The following NHS variants were observed in gnomAD, a reference collection of about 807,000 sequenced individuals.
NHS encodes actin remodeling regulator NHS.
NHS carries 5 observed loss-of-function variants against 72.5 expected under a neutral mutation model. The ratio of observed to expected loss-of-function variants is 0.07; its 90% CI spans 0.04 to 0.14. The LOEUF (loss-of-function observed/expected upper bound fraction) is 0.14. Ranked by LOEUF, NHS falls within the 10% of genes least tolerant of loss-of-function variation. The probability of loss-of-function intolerance (pLI) is 1.00; values close to 1 mark genes in which losing one functional copy is unlikely to be tolerated. For synonymous variants in NHS, 464 were observed against 547.7 expected (o/e 0.85, Z 2.13); for missense variants, 1,072 against 1,355.7 (o/e 0.79, Z 3.29).
intron 1 of NHS, among the ~76,000 whole-genome samples, chrX:17,570,441 G>A (rs1243976127): frequency 8.9e-6 from 1 of 111,776 alleles, no homozygotes; most frequent in Non-Finnish European, 1.9e-5. Flanking sequence ...ATTGTGAATG[G>A]GAATTCACTC....
intron 1 of NHS, 81 bp from the exon 2 acceptor site, chrX:17,687,661 T>C: frequency 9.1e-7 from 1 of 1,104,096 alleles, no homozygotes; most frequent in Non-Finnish European, 1.3e-6. Flanking sequence ...ACTTTACTCC[T>C]GTCCTCTTCC....
At chrX:17,699,607 A>C (rs373878875) in intron 3 of NHS, among the ~76,000 whole-genome samples, 136 of 111,893 alleles carry the variant, frequency 1.2e-3, no homozygotes, top group African/African-American at 4.1e-3. Flanking sequence ...GTTTGCCAGC[A>C]TCCTTAGCCC....
chrX:17,690,332 T>C (rs947710980), intron 2 of NHS, among the ~76,000 whole-genome samples: 1 of 112,503 alleles, frequency 8.9e-6, no homozygotes, highest in African/African-American at 3.2e-5. Context: ...ATCAGACAAC[T>C]GCCATGCTCA....
At chrX:17,578,967 T>A (rs1367107080) in intron 1 of NHS, among the ~76,000 whole-genome samples, 1 of 111,830 alleles carries the variant, frequency 8.9e-6, no homozygotes, top group Non-Finnish European at 1.9e-5. Flanking sequence ...TGTGTATGTG[T>A]GTGAGTGTGT....
intron 1 of NHS, among the ~76,000 whole-genome samples, chrX:17,411,071 AT>A (rs759839268): frequency 4.5e-5 from 5 of 112,080 alleles, no homozygotes; most frequent in African/African-American, 1.6e-4. Flanking sequence ...AGAGGTGGTG[AT>A]TTTGGCTAAG....
At chrX:17,689,664 A>ATT (rs1255334260) in intron 2 of NHS, among the ~76,000 whole-genome samples, 1 of 112,112 alleles carries the variant, frequency 8.9e-6, no homozygotes, top group African/African-American at 3.2e-5. Flanking sequence ...AAGCTGACAT[A>ATT]TAGTAGGTCC....
chrX:17,629,061 T>C (rs1339921336), intron 1 of NHS, among the ~76,000 whole-genome samples: 1 of 112,520 alleles, frequency 8.9e-6, no homozygotes, highest in African/African-American at 3.2e-5. Flanking sequence ...TAGGGCCAGA[T>C]TGCCCTGCAG....
intron 1 of NHS, among the ~76,000 whole-genome samples, chrX:17,508,532 A>C (rs2065070018): frequency 9.0e-6 from 1 of 111,340 alleles, no homozygotes; most frequent in Non-Finnish European, 1.9e-5. Flanking sequence ...GTGCAGTGGC[A>C]TGATCTCGGC....
intron 1 of NHS, among the ~76,000 whole-genome samples, chrX:17,390,679 A>G (rs1168408084): frequency 8.9e-6 from 1 of 112,090 alleles, no homozygotes; most frequent in Non-Finnish European, 1.9e-5. Context: ...GTATGAGAAA[A>G]GAGATGTTGG....
chrX:17,601,646 G>A (rs761745473), intron 1 of NHS, among the ~76,000 whole-genome samples: 1 of 111,841 alleles, frequency 8.9e-6, no homozygotes, highest in Non-Finnish European at 1.9e-5. Context: ...AGGAAATCTT[G>A]TGTGGAAATT....
At chrX:17,547,921 C>G (rs2065302156) in intron 1 of NHS, among the ~76,000 whole-genome samples, 1 of 111,884 alleles carries the variant, frequency 8.9e-6, no homozygotes, top group South Asian at 3.7e-4. Context: ...GGTCTTGTGC[C>G]TTCCAGGAGG....
At chrX:17,513,120 T>G (rs1481800062) in intron 1 of NHS, among the ~76,000 whole-genome samples, 1 of 111,983 alleles carries the variant, frequency 8.9e-6, no homozygotes, top group Non-Finnish European at 1.9e-5. Flanking sequence ...AATGTCAGAT[T>G]ATTACGAGCT....
chrX:17,471,725 C>T (rs937615526), intron 1 of NHS, among the ~76,000 whole-genome samples: 11 of 111,925 alleles, frequency 9.8e-5, no homozygotes, highest in African/African-American at 2.9e-4. Context: ...AAGTGAAATC[C>T]GTGTTAGAAT....
At chrX:17,488,622 A>G (rs746787063) in intron 1 of NHS, among the ~76,000 whole-genome samples, 78 of 112,008 alleles carry the variant, frequency 7.0e-4, no homozygotes, top group Non-Finnish European at 1.3e-3. Context: ...TACAGTTACT[A>G]TGTAAATACA....
chrX:17,567,248 C>T (rs968566405), intron 1 of NHS, among the ~76,000 whole-genome samples: 24 of 111,918 alleles, frequency 2.1e-4, no homozygotes, highest in African/African-American at 7.5e-4. Flanking sequence ...TGAAGAAATA[C>T]GAATGTGGCA....
At chrX:17,607,548 A>T (rs1242500174) in intron 1 of NHS, among the ~76,000 whole-genome samples, 1 of 111,564 alleles carries the variant, frequency 9.0e-6, no homozygotes, top group Admixed American at 9.5e-5. Context: ...GTAAGGAGTT[A>T]TCTGTTTCCC....
intron 1 of NHS, among the ~76,000 whole-genome samples, chrX:17,650,094 A>G (rs1169793676): frequency 1.8e-5 from 2 of 112,438 alleles, no homozygotes; most frequent in Non-Finnish European, 3.8e-5. Flanking sequence ...CCCTAGGTAA[A>G]CATAAGGAGA....
chrX:17,562,047 G>A (rs969341922), intron 1 of NHS, among the ~76,000 whole-genome samples: 4 of 111,028 alleles, frequency 3.6e-5, no homozygotes, highest in African/African-American at 1.3e-4. Flanking sequence ...TGTGTGTACT[G>A]TAGAAAAACC....
rs1031332498 is a variant in NHS, at chrX:17,430,335, T to C, written c.565+54013T>C. 2.3e-4 allele frequency among the ~76,000 whole-genome samples: 21 copies of C among 91,443 alleles called. 1 individual carries two copies. The highest frequency in any genetic ancestry group is 4.2e-4 in the Non-Finnish European group (20 of 47,235). 79.4% of individuals were successfully genotyped at this position (91,443 alleles called of 115,157 possible). On this transcript the variant is annotated intron_variant, in intron 1 of 8. Transcript: ENST00000676302. ...TCTTTCCTTTCTTTCTTTCTTTTTC[T>C]TCTCTTTCTTTCTTTCTTTTTCTTC...
Sources: allele counts gnomAD v4.1 joint callset (sites outside exome capture counted in the v4.1 genomes callset), GRCh38; gene constraint gnomAD v4.1.1; transcripts MANE v1.5; gene names NCBI Gene and HGNC (gene_info 2026-07-23, HGNC 2026-07-21).